RFXANK: variants seen among roughly 807,000 people sequenced by gnomAD.
RFXANK encodes regulatory factor X associated ankyrin containing protein.
RFXANK carries 19 observed loss-of-function variants against 34.5 expected under a neutral mutation model. The ratio of observed to expected loss-of-function variants is 0.55; its 90% confidence interval spans 0.38 to 0.81. The LOEUF (loss-of-function observed/expected upper bound fraction) is 0.81, where lower values mean the gene tolerates loss of function less well. Among genes scored for constraint, RFXANK ranks in the 30% least tolerant of loss-of-function variants. The pLI, the probability that RFXANK is intolerant of heterozygous loss-of-function variation, is 0.00. For synonymous variants in RFXANK, 154 were observed against 149.8 expected (o/e 1.03, Z -0.20); for missense variants, 295 against 343.5 (o/e 0.86, Z 1.12).
In RFXANK at chr19:19,201,721, G is replaced by A; in HGVS notation, c.*2G>A. 6.2e-7 allele frequency: 1 copy of A among 1,613,992 alleles called. No homozygotes were observed. The highest frequency in any genetic ancestry group is 8.5e-7 in the Non-Finnish European group (1 of 1,179,996). On this transcript the variant is annotated 3_prime_UTR_variant, in exon 10 of 10. Transcript: ENST00000303088. Reference sequence around the variant, plus strand: ...CTGGTGCCCGCTGACCCTGAGTGAAGGCCGCCTGCCGGGGACTCAGACACT... The same window carrying A: ...CTGGTGCCCGCTGACCCTGAGTGAAAGCCGCCTGCCGGGGACTCAGACACT...
At chr19:19,201,289 G>A in intron 9 of RFXANK, 1 of 622,022 alleles carries the variant, frequency 1.6e-6, no homozygotes, top group Non-Finnish European at 2.8e-6. Context: ...TGTTGCCCAA[G>A]CTGGCCTCAA....
At position 19,194,041 on chromosome 19, in the gene RFXANK, C is replaced by G; in HGVS notation, c.95C>G (p.Ala32Gly). 11 of 1,614,186 alleles carry G rather than the reference C, an allele frequency of 6.8e-6. No homozygotes were observed. The highest frequency in any genetic ancestry group is 9.3e-6 in the Non-Finnish European group (11 of 1,180,034). ...CCTGAAGACCCCGGAGAGGAGGCTG[C>G]AGATGGCTCAGACACTGTGGTCCTC... ...GDPEDPGEEA[A>G]DGSDTVVLSL... Residue 32 changes from alanine (A) to glycine (G), a missense_variant, in exon 3 of 10, where the codon GCA (alanine) becomes GGA (glycine). Ala to Gly is a moderately conservative substitution (Grantham distance 60). Coordinates refer to ENST00000303088, the MANE Select transcript of RFXANK (RefSeq NM_003721.4).
chr19:19,193,412 C>CTTTTTTT (rs71338310), intron 2 of RFXANK, among the ~76,000 whole-genome samples: 11 of 94,834 alleles, frequency 1.2e-4, no homozygotes, highest in South Asian at 4.0e-4. Context: ...TTTTTCCTTT[C>CTTTTTTT]TTTTTTTTTT....
intron 6 of RFXANK, 131 bp downstream of exon 6, chr19:19,197,752 T>A: frequency 2.3e-6 from 2 of 851,888 alleles, no homozygotes; most frequent in South Asian, 1.5e-5. Context: ...CTCATGCCTG[T>A]AATCCCAGCA....
At chr19:19,197,490 C>G in intron 5 of RFXANK, 31 bp from the exon 6 acceptor site, 1 of 1,606,074 alleles carries the variant, frequency 6.2e-7, no homozygotes, top group African/African-American at 1.3e-5. Flanking sequence ...AGGGGTGCAG[C>G]CTGGTGGTAT....
At chr19:19,193,910 C>A in intron 2 of RFXANK, 29 bp from the exon 3 acceptor site, 1 of 1,610,824 alleles carries the variant, frequency 6.2e-7, no homozygotes, top group South Asian at 1.1e-5. Context: ...TAATTATTGT[C>A]ATCTCTCCCC....
At chr19:19,200,788 A>ATTTTTTTTTTT (rs71170606) in intron 9 of RFXANK, 2 of 84,560 alleles carry the variant, frequency 2.4e-5, no homozygotes, top group African/African-American at 1.2e-4. Flanking sequence ...CACCTGGCTA[A>ATTTTTTTTTTT]TTTTTTTTTT....
intron 3 of RFXANK, among the ~76,000 whole-genome samples, chr19:19,195,748 T>A (rs1202826960): frequency 2.7e-5 from 4 of 146,496 alleles, no homozygotes; most frequent in African/African-American, 5.1e-5. Context: ...TTTTTTTTTT[T>A]TTTTTTTTTT....
intron 9 of RFXANK, 171 bp from the exon 10 acceptor site, chr19:19,201,476 AGG>A: frequency 6.3e-7 from 1 of 1,579,712 alleles, no homozygotes; most frequent in Non-Finnish European, 8.5e-7. Context: ...TTACAAACTT[AGG>A]GGAAGTTGAG....
intron 2 of RFXANK, 106 bp from the exon 3 acceptor site, chr19:19,193,833 C>T (rs2146460205): frequency 7.7e-7 from 1 of 1,293,190 alleles, no homozygotes; most frequent in East Asian, 2.3e-5. Flanking sequence ...ACCTGGACCT[C>T]AGTTTACCCA....
Position 19,194,101 on chromosome 19 carries a change from C to G in RFXANK, c.155C>G (p.Pro52Arg). The G allele has an allele frequency of 1.2e-6, 2 of 1,614,210 alleles. No homozygotes were observed. Among genetic ancestry groups the G allele is most frequent in the Non-Finnish European group, 1.7e-6 (2 of 1,180,034 alleles). ...LFPCTPEPVN[P>R]EPDASVSSPQ... Reference sequence around the variant, plus strand: ...CCCTGCACCCCTGAGCCTGTGAATCCTGAACCGGATGCCAGTGTTTCCTCT... The same window carrying G: ...CCCTGCACCCCTGAGCCTGTGAATCGTGAACCGGATGCCAGTGTTTCCTCT... Residue 52 changes from proline (P) to arginine (R), a missense_variant, in exon 3 of 10, where the codon CCT (proline) becomes CGT (arginine). Physicochemically the swap from Pro to Arg is moderately radical, Grantham distance 103 (BLOSUM62 -2). Transcript: ENST00000303088.
chr19:19,201,688 A>C lies in RFXANK; in HGVS notation c.752A>C (p.Gln251Pro). 2 of 1,614,128 alleles carry C rather than the reference A, an allele frequency of 1.2e-6. No homozygotes were observed. The highest frequency in any genetic ancestry group is 1.7e-6 in the Non-Finnish European group (2 of 1,180,022). ...VIENHILKLF[Q>P]SNLVPADPE ...GAGAACCACATCCTCAAGCTCTTCC[A>C]GAGCAACCTGGTGCCCGCTGACCCT... The change falls in exon 10 of 10, where the codon CAG becomes CCG. Residue 251 changes from glutamine to proline, a missense_variant. Transcript: ENST00000303088.
chr19:19,197,671 G>A (rs1260187478), intron 6 of RFXANK, 50 bp downstream of exon 6: 1 of 1,545,038 alleles, frequency 6.5e-7, no homozygotes, highest in South Asian at 1.1e-5. Context: ...GGGCCTTAGG[G>A]TGGGCTGGGG....
chr19:19,194,973 G>A (rs1237583194), intron 3 of RFXANK, among the ~76,000 whole-genome samples: 9 of 151,926 alleles, frequency 5.9e-5, no homozygotes, highest in Admixed American at 5.9e-4. Context: ...ACTCCTGTCT[G>A]GAATGCTCTT....
intron 5 of RFXANK, 132 bp from the exon 6 acceptor site, chr19:19,197,389 G>A (rs2060619212): frequency 1.2e-5 from 14 of 1,214,236 alleles, no homozygotes; most frequent in Non-Finnish European, 1.7e-5. Flanking sequence ...CCGTGTTCAT[G>A]TATGTCCATC....
chr19:19,194,115 A>G lies in RFXANK; in HGVS notation c.169A>G (p.Ser57Gly), dbSNP rs1307452669. The G allele has an allele frequency of 1.2e-5, 20 of 1,614,186 alleles. No homozygotes were observed. Among genetic ancestry groups the G allele is most frequent in the Non-Finnish European group, 1.7e-5 (20 of 1,180,020 alleles). Residue 57 changes from serine (S) to glycine (G), a missense_variant, in exon 3 of 10, where the codon AGT (serine) becomes GGT (glycine). Physicochemically the swap from Ser to Gly is moderately conservative, Grantham distance 56. Coordinates refer to ENST00000303088, the MANE Select transcript of RFXANK (RefSeq NM_003721.4). ...PEPVNPEPDASVSSPQAGSSL... is the reference protein window; with the variant it reads ...PEPVNPEPDAGVSSPQAGSSL... Reference sequence around the variant, plus strand: ...GCCTGTGAATCCTGAACCGGATGCCAGTGTTTCCTCTCCACAGGGTAGGAT... The same window carrying G: ...GCCTGTGAATCCTGAACCGGATGCCGGTGTTTCCTCTCCACAGGGTAGGAT...
rs766702316 is a variant in RFXANK, at chr19:19,197,582, C to T, written c.399C>T (p.Ala133=). The change falls in exon 6 of 10, where the codon GCC becomes GCT. Residue 133 remains alanine (A), a synonymous_variant. Transcript: ENST00000303088. ...RGFTPLIWAS[A]FGEIETVRFL... ...TCACCCCCCTCATCTGGGCCTCCGC[C>T]TTTGGAGAGATTGAGACCGTTCGCT... The T allele has an allele frequency of 1.6e-5, 26 of 1,613,794 alleles. No homozygotes were observed. The highest frequency in any genetic ancestry group is 1.9e-5 in the Non-Finnish European group (23 of 1,180,024).
chr19:19,199,351 A>C, intron 9 of RFXANK, 117 bp downstream of exon 9: 1 of 1,016,098 alleles, frequency 9.8e-7, no homozygotes, highest in Non-Finnish European at 1.6e-6. Flanking sequence ...GTGTGTTGAC[A>C]GGTGTTGAGC....
In RFXANK at chr19:19,193,001, C is replaced by G. The variant is rs1011451246; in HGVS notation, c.-108C>G. The G allele has an allele frequency of 6.6e-6, 1 of 152,294 alleles. No individual in the cohort carries two copies. The highest frequency in any genetic ancestry group is 1.5e-5 in the Non-Finnish European group (1 of 68,090). The allele number at this position is 152,294 out of a possible 1,614,324, so 9.4% of individuals were successfully genotyped here. A position where few individuals can be genotyped will look rare whatever the true frequency, so the allele number is the denominator to read the frequency against. The stretch of plus-strand genomic sequence containing the variant: ...GAGGGTCCGGTCTCCAGTTTGCCTC[C>G]TGCTATATCCATTGGAAGAGAAAAG... On this transcript the variant is annotated 5_prime_UTR_variant, in exon 2 of 10. Transcript: ENST00000303088.
Sources: allele counts gnomAD v4.1 joint callset (sites outside exome capture counted in the v4.1 genomes callset), GRCh38; gene constraint gnomAD v4.1.1; transcripts MANE v1.5; gene names NCBI Gene and HGNC (gene_info 2026-07-23, HGNC 2026-07-21).